Variants in VGLL4 observed in about 807,000 individuals in gnomAD.
The protein encoded by VGLL4 is transcription cofactor vestigial-like protein 4.
In VGLL4, 7 loss-of-function variants were observed where a neutral mutation model predicts 21.0. The observed-to-expected ratio is 0.33, with a 90% confidence interval of 0.19 to 0.63. The LOEUF is 0.63. Among genes scored for constraint, VGLL4 ranks in the 20% least tolerant of loss-of-function variants. The probability of loss-of-function intolerance (pLI) is 0.78; values close to 1 mark genes in which losing one functional copy is unlikely to be tolerated. For missense variants in VGLL4, 394 were observed against 425.7 expected, an observed-to-expected ratio of 0.93 and a Z score of 0.66; for synonymous variants, 222 against 173.2, an observed-to-expected ratio of 1.28 and a Z score of -2.21.
intron 2 of VGLL4, among the ~76,000 whole-genome samples, chr3:11,658,937 T>C (rs2075994957): frequency 1.3e-5 from 2 of 152,140 alleles, no homozygotes; most frequent in Middle Eastern, 6.8e-3. Flanking sequence ...ACATCCAACA[T>C]AGGTACCTAA....
intron 2 of VGLL4, among the ~76,000 whole-genome samples, chr3:11,669,262 G>A (rs1390678641): frequency 6.6e-6 from 1 of 152,138 alleles, no homozygotes; most frequent in Non-Finnish European, 1.5e-5. Context: ...GTGGTGGTGA[G>A]AGCCTGTACT....
chr3:11,591,078 A>G (rs989753277), intron 2 of VGLL4, among the ~76,000 whole-genome samples: 2 of 152,194 alleles, frequency 1.3e-5, no homozygotes, highest in African/African-American at 4.8e-5. Context: ...GAGCTGCTAC[A>G]TATGTGCCCA....
At chr3:11,686,000 G>A (rs1257141655) in intron 2 of VGLL4, among the ~76,000 whole-genome samples, 3 of 152,072 alleles carry the variant, frequency 2.0e-5, no homozygotes, top group Non-Finnish European at 1.5e-5. Context: ...ACCACCTCAC[G>A]CTTACTAGGA....
At chr3:11,602,719 GT>G (rs2074837282) in intron 1 of VGLL4, among the ~76,000 whole-genome samples, 1 of 152,038 alleles carries the variant, frequency 6.6e-6, no homozygotes, top group African/African-American at 2.4e-5. Flanking sequence ...TCAAATTAGG[GT>G]CCACATTTCC....
chr3:11,638,999 G>C (rs767225176), intron 1 of VGLL4, among the ~76,000 whole-genome samples: 1 of 152,152 alleles, frequency 6.6e-6, no homozygotes, highest in Non-Finnish European at 1.5e-5. Flanking sequence ...GGAATAATTC[G>C]CTCTTAAGCT....
chr3:11,566,363 A>G (rs995887424), intron 2 of VGLL4, among the ~76,000 whole-genome samples: 1 of 152,260 alleles, frequency 6.6e-6, no homozygotes, highest in Non-Finnish European at 1.5e-5. Flanking sequence ...GTAAAACTAC[A>G]GTACAATATC....
At chr3:11,704,694 G>A (rs1005251714) in intron 1 of VGLL4, among the ~76,000 whole-genome samples, 1 of 152,198 alleles carries the variant, frequency 6.6e-6, no homozygotes, top group Non-Finnish European at 1.5e-5. Flanking sequence ...AAGCTAAGCA[G>A]CGTATTTTCC....
Position 11,685,200 on chromosome 3 carries a change from G to T in VGLL4, c.64+17771C>A, listed in dbSNP as rs1437963127. ...TAGCTGCATAGTATTCCATGGTGTTGTTTTTTTTTTTTTTTTGAGATGGAG... is the reference window on the plus strand; with the variant it reads ...TAGCTGCATAGTATTCCATGGTGTTTTTTTTTTTTTTTTTTTGAGATGGAG... On this transcript the variant is annotated intron_variant, in intron 2 of 5. Transcript: ENST00000273038. 9.8e-5 allele frequency among the ~76,000 whole-genome samples: 13 copies of T among 132,414 alleles called. No homozygotes were observed. In the East Asian group the frequency reaches 2.3e-3, roughly 24 times the overall value. 86.9% of individuals were successfully genotyped at this position (132,414 alleles called of 152,430 possible).
intron 2 of VGLL4, among the ~76,000 whole-genome samples, chr3:11,659,393 G>A (rs1410511793): frequency 7.7e-6 from 1 of 130,258 alleles, no homozygotes; most frequent in Non-Finnish European, 1.6e-5. Context: ...GTGCAATGGT[G>A]TGATCTCGGC....
intron 2 of VGLL4, among the ~76,000 whole-genome samples, chr3:11,701,611 T>A (rs1223288489): frequency 2.0e-5 from 3 of 152,144 alleles, no homozygotes; most frequent in African/African-American, 7.2e-5. Flanking sequence ...TTAATCCTCA[T>A]CAACACTTTG....
chr3:11,697,555 C>T (rs994674041), intron 2 of VGLL4, among the ~76,000 whole-genome samples: 6 of 152,106 alleles, frequency 3.9e-5, no homozygotes, highest in Non-Finnish European at 7.3e-5. Context: ...AAGAGGTTCA[C>T]TTGGCTGATG....
chr3:11,570,968 C>T (rs2073750972), intron 2 of VGLL4, among the ~76,000 whole-genome samples: 1 of 152,210 alleles, frequency 6.6e-6, no homozygotes, highest in South Asian at 2.1e-4. Context: ...AGCTGCGTCA[C>T]TCCTCTGTGC....
chr3:11,687,486 T>A (rs1423341979), intron 2 of VGLL4, among the ~76,000 whole-genome samples: 2 of 152,284 alleles, frequency 1.3e-5, no homozygotes, highest in Middle Eastern at 3.4e-3. Flanking sequence ...TTTGTTTTTT[T>A]GTTTAAGAGA....
At chr3:11,693,078 G>C (rs1408949976) in intron 2 of VGLL4, 1 of 201,250 alleles carries the variant, frequency 5.0e-6, no homozygotes, top group East Asian at 1.7e-4. Context: ...GCTGAGGTGG[G>C]AGGATCACTT....
intron 3 of VGLL4, among the ~76,000 whole-genome samples, chr3:11,562,219 C>T (rs2073088782): frequency 6.6e-6 from 1 of 152,116 alleles, no homozygotes; most frequent in African/African-American, 2.4e-5. Flanking sequence ...AGCTTAACCC[C>T]ATCTTGCCTC....
chr3:11,681,525 G>A (rs1319313910), intron 2 of VGLL4, among the ~76,000 whole-genome samples: 1 of 152,226 alleles, frequency 6.6e-6, no homozygotes, highest in Admixed American at 6.5e-5. Context: ...CGGGCACCAT[G>A]GGCACAGGGC....
At chr3:11,718,139 G>A (rs1200800520) in intron 1 of VGLL4, among the ~76,000 whole-genome samples, 2 of 152,184 alleles carry the variant, frequency 1.3e-5, no homozygotes, top group African/African-American at 4.8e-5. Context: ...GCCCAGAAGT[G>A]TGAAAAAACG....
At chr3:11,571,389 C>CTCTCCA (rs2073769448) in intron 2 of VGLL4, among the ~76,000 whole-genome samples, 1 of 152,184 alleles carries the variant, frequency 6.6e-6, no homozygotes, top group African/African-American at 2.4e-5. Context: ...CCCCCATTAA[C>CTCTCCA]TCTCCATAAA....
At chr3:11,597,392 A>C (rs2074671169) in intron 2 of VGLL4, among the ~76,000 whole-genome samples, 1 of 152,218 alleles carries the variant, frequency 6.6e-6, no homozygotes, top group Non-Finnish European at 1.5e-5. Flanking sequence ...ATAAACAGAA[A>C]TAATGTATTT....
Sources: allele counts gnomAD v4.1 joint callset (sites outside exome capture counted in the v4.1 genomes callset), GRCh38; gene constraint gnomAD v4.1.1; transcripts MANE v1.5; gene names NCBI Gene and HGNC (gene_info 2026-07-23, HGNC 2026-07-21).